Variants in CCDC38 observed in about 807,000 individuals in gnomAD.
CCDC38 encodes the protein coiled-coil domain-containing protein 38.
In CCDC38, 69 loss-of-function variants were observed where a neutral mutation model predicts 72.8. The ratio of observed to expected loss-of-function variants is 0.95; its 90% confidence interval spans 0.78 to 1.16. The LOEUF (loss-of-function observed/expected upper bound fraction) is 1.16. CCDC38 is among the 50% of genes most tolerant of loss of function. CCDC38 has a pLI of 0.00. For synonymous variants in CCDC38, 201 were observed against 213.2 expected (o/e 0.94, Z 0.50); for missense variants, 626 against 638.9 (o/e 0.98, Z 0.22).
chr12:95,936,699 C>T (rs1467633659), intron 1 of CCDC38, among the ~76,000 whole-genome samples, 176 bp from the exon 2 acceptor site: 1 of 152,116 alleles, frequency 6.6e-6, no homozygotes, highest in Admixed American at 6.5e-5. Context: ...AGAAAATAAT[C>T]AGACAAGCAG....
At chr12:95,935,891 C>T (rs925407207) in intron 2 of CCDC38, among the ~76,000 whole-genome samples, 2 of 152,028 alleles carry the variant, frequency 1.3e-5, no homozygotes, top group East Asian at 3.9e-4. Context: ...CCAGCCTGGC[C>T]AACATGGTGA....
intron 2 of CCDC38, among the ~76,000 whole-genome samples, chr12:95,919,955 G>A (rs1592795060): frequency 6.6e-6 from 1 of 152,192 alleles, no homozygotes; most frequent in East Asian, 1.9e-4. Flanking sequence ...ACACAGAATT[G>A]CCACATGACC....
rs1259334510 is a variant in CCDC38, at chr12:95,907,007, T to C, written c.305-556A>G. Reference sequence around the variant, plus strand: ...GTTTGTGTCCCTGGGTACTTGAGATTAGGGAGTGGTGATGACTCTTAACGA... The same window carrying C: ...GTTTGTGTCCCTGGGTACTTGAGATCAGGGAGTGGTGATGACTCTTAACGA... On this transcript the variant is annotated intron_variant, in intron 4 of 15. Transcript: ENST00000344280. 5.9e-5 allele frequency among the ~76,000 whole-genome samples: 9 copies of C among 151,522 alleles called. No homozygotes were observed. The East Asian group carries it at 1.6e-3, about 26-fold the overall frequency.
intron 9 of CCDC38, among the ~76,000 whole-genome samples, chr12:95,890,484 T>C (rs927656239): frequency 6.6e-6 from 1 of 152,220 alleles, no homozygotes; most frequent in Admixed American, 6.5e-5. Context: ...TCGTTGCAAA[T>C]GGCCTGGTTT....
intron 13 of CCDC38, among the ~76,000 whole-genome samples, chr12:95,873,294 C>T (rs1260721411): frequency 6.6e-6 from 1 of 152,184 alleles, no homozygotes; most frequent in Non-Finnish European, 1.5e-5. Flanking sequence ...CAGTGCTTTG[C>T]ACATAACTAC....
intron 2 of CCDC38, chr12:95,935,199 T>C (rs2080380093): frequency 6.6e-6 from 1 of 152,198 alleles, no homozygotes; most frequent in South Asian, 2.1e-4. Flanking sequence ...TTTTAAATGC[T>C]TTTTTAAAAA....
rs747281277 is a variant in CCDC38, at chr12:95,879,783, A to G, written c.1003T>C (p.Tyr335His). ...AGTAACTCCTCTGGTTCCTTGAAAT[A>G]AAGTGCTGGCTCCTAATTAATCAAT... is the stretch of plus-strand genomic sequence containing the variant. The part of the protein sequence containing the change: ...EMDVDLEPAL[Y>H]FKEPEELLQV... The change falls in exon 12 of 16, where the codon TAT becomes CAT. Residue 335 changes from tyrosine (Y) to histidine (H), a missense_variant. By Grantham distance (83) the Tyr-to-His change is moderately conservative (BLOSUM62 2). Transcript: ENST00000344280. This position sits in a 1 kb window ranked among gnomAD's most constrained non-coding sequence, Gnocchi z 5.5. The G allele has an allele frequency of 6.2e-7, 1 of 1,606,426 alleles. No homozygotes were observed. The highest frequency in any genetic ancestry group is 8.5e-7 in the Non-Finnish European group (1 of 1,176,658).
At chr12:95,940,559 AC>A (rs1478937485) in intron 1 of CCDC38, among the ~76,000 whole-genome samples, 1 of 152,122 alleles carries the variant, frequency 6.6e-6, no homozygotes, top group Non-Finnish European at 1.5e-5. Flanking sequence ...GTTCTCTCAG[AC>A]CCAATGCCCT....
intron 2 of CCDC38, among the ~76,000 whole-genome samples, chr12:95,925,459 C>G (rs1308240788): frequency 6.6e-6 from 1 of 152,172 alleles, no homozygotes; most frequent in African/African-American, 2.4e-5. Flanking sequence ...ATGGGGTTTT[C>G]TAGATATACA....
intron 2 of CCDC38, chr12:95,919,632 G>C (rs2080182522): frequency 2.2e-6 from 1 of 455,534 alleles, no homozygotes; most frequent in Non-Finnish European, 4.4e-6. Flanking sequence ...TGCTTCATGA[G>C]GAATGAGTTG....
intron 4 of CCDC38, among the ~76,000 whole-genome samples, chr12:95,911,562 T>C (rs889791302): frequency 1.3e-5 from 2 of 151,686 alleles, no homozygotes; most frequent in Non-Finnish European, 2.9e-5. Context: ...AAAAACACAT[T>C]GAAAAGTAGG....
intron 5 of CCDC38, among the ~76,000 whole-genome samples, chr12:95,899,140 T>G (rs2079924858): frequency 6.6e-6 from 1 of 152,218 alleles, no homozygotes; most frequent in Non-Finnish European, 1.5e-5. Flanking sequence ...GTTTCAACTC[T>G]GCCATGCCAG....
intron 4 of CCDC38, among the ~76,000 whole-genome samples, chr12:95,916,711 G>A (rs2080148549): frequency 6.6e-6 from 1 of 152,028 alleles, no homozygotes; most frequent in Non-Finnish European, 1.5e-5. Context: ...GCAACATTAG[G>A]TAAGCTCATT....
At chr12:95,942,823 C>A (rs1247980842), upstream of CCDC38, 3 of 153,236 alleles carry the variant, frequency 2.0e-5, no homozygotes, top group African/African-American at 7.2e-5. Flanking sequence ...TTCCCCCACT[C>A]TGTCCTCTCC....
chr12:95,907,774 A>G (rs1013842107), intron 4 of CCDC38, among the ~76,000 whole-genome samples: 8 of 148,992 alleles, frequency 5.4e-5, no homozygotes, highest in East Asian at 2.0e-4. Flanking sequence ...CGAGGTGGCC[A>G]GGCAGAGACG....
intron 1 of CCDC38, among the ~76,000 whole-genome samples, chr12:95,939,111 G>T (rs1010803425): frequency 6.6e-6 from 1 of 152,186 alleles, no homozygotes; most frequent in Admixed American, 6.5e-5. Context: ...TACCTTGTGG[G>T]ATTGTTAGGT....
chr12:95,872,406 T>A lies in CCDC38; in HGVS notation c.1333A>T (p.Ile445Phe), dbSNP rs567568406. The A allele has an allele frequency of 9.9e-6, 16 of 1,614,180 alleles. No homozygotes were observed. The South Asian group carries it at 1.8e-4, about 18-fold the overall frequency. ...KKITQVYKVC[I>F]GDAEDDGLNP... ...AGGCCGTCATCCTCAGCATCTCCAATGCAGACTTTGTATACTTGAGTAATC... is the reference window on the plus strand; with the variant it reads ...AGGCCGTCATCCTCAGCATCTCCAAAGCAGACTTTGTATACTTGAGTAATC... Residue 445 changes from isoleucine (I) to phenylalanine (F), a missense_variant, in exon 14 of 16, where the codon ATT becomes TTT. Coordinates refer to ENST00000344280, the MANE Select transcript of CCDC38 (RefSeq NM_182496.3).
At chr12:95,927,347 A>ACTAG (rs1392681086) in intron 2 of CCDC38, among the ~76,000 whole-genome samples, 2 of 151,070 alleles carry the variant, frequency 1.3e-5, no homozygotes, top group Non-Finnish European at 2.9e-5. Flanking sequence ...TTTATCAGAG[A>ACTAG]CTAGGATTGC....
At chr12:95,899,513 G>T (rs1267512852) in intron 5 of CCDC38, among the ~76,000 whole-genome samples, 1 of 152,078 alleles carries the variant, frequency 6.6e-6, no homozygotes, top group Non-Finnish European at 1.5e-5. Flanking sequence ...CAGCCAGGCT[G>T]GTCTCAAACT....
Sources: allele counts gnomAD v4.1 joint callset (sites outside exome capture counted in the v4.1 genomes callset), GRCh38; gene constraint gnomAD v4.1.1; non-coding constraint Gnocchi (gnomAD v3.1); transcripts MANE v1.5; gene names NCBI Gene and HGNC (gene_info 2026-07-23, HGNC 2026-07-21).